PI4K2B: variants seen among roughly 807,000 people sequenced by gnomAD.
The protein encoded by PI4K2B is phosphatidylinositol 4-kinase type 2 beta.
A neutral mutation model predicts 56.6 loss-of-function variants in PI4K2B; 46 were observed. The observed-to-expected ratio is 0.81, with a 90% CI of 0.64 to 1.04. PI4K2B has a LOEUF of 1.04. Ranked by LOEUF, PI4K2B falls within the 50% of genes least tolerant of loss-of-function variation. PI4K2B has a pLI of 0.00. For missense variants in PI4K2B, 556 were observed against 607.7 expected, an observed-to-expected ratio of 0.91 and a Z score of 0.89; for synonymous variants, 211 against 223.8, an observed-to-expected ratio of 0.94 and a Z score of 0.51.
Position 25,249,399 on chromosome 4 carries a change from G to A in PI4K2B, c.269-2922G>A, listed in dbSNP as rs544929172. Among the ~76,000 whole-genome samples the A allele has an allele frequency of 4.1e-3, 221 of 53,742 alleles. 1 individual carries two copies. Among genetic ancestry groups the A allele is most frequent in the African/African-American group, 0.011 (205 of 18,340 alleles). 35.3% of individuals were successfully genotyped at this position (53,742 alleles called of 152,430 possible). A position where few individuals can be genotyped will look rare whatever the true frequency, so the allele number is the denominator to read the frequency against. ...CCAGACGGGGTGGCCGGGCAGAGGC[G>A]CCCCTCCACCCCCCGGACAGGGCGG... On this transcript the variant is annotated intron_variant, in intron 1 of 9. Coordinates refer to ENST00000264864, the MANE Select transcript of PI4K2B (RefSeq NM_018323.4).
chr4:25,264,819 C>G (rs952661410), intron 7 of PI4K2B, among the ~76,000 whole-genome samples: 10 of 151,964 alleles, frequency 6.6e-5, no homozygotes, highest in Non-Finnish European at 1.2e-4. Context: ...TGCAGTGAGC[C>G]AAGATGGCAC....
rs71188933 is a variant in PI4K2B, at chr4:25,265,198, CA to C, written c.1078+1372del. Among the ~76,000 whole-genome samples, 19 of 65,398 alleles carry C rather than the reference CA, an allele frequency of 2.9e-4. No individual in the cohort carries two copies. The Middle Eastern group carries it at 0.036, about 123-fold the overall frequency. 42.9% of individuals were successfully genotyped at this position (65,398 alleles called of 152,430 possible). A position where few individuals can be genotyped will look rare whatever the true frequency, so the allele number is the denominator to read the frequency against. ...CAACAAGAGTAAATCTCTGTCTCAC[CA>C]AAAAAAAAAAAAAAAAAAAAAATTT... On this transcript the variant is annotated intron_variant, in intron 7 of 9. Coordinates refer to ENST00000264864, the MANE Select transcript of PI4K2B (RefSeq NM_018323.4).
At chr4:25,247,488 T>C (rs1258443902) in intron 1 of PI4K2B, among the ~76,000 whole-genome samples, 1 of 152,190 alleles carries the variant, frequency 6.6e-6, no homozygotes, top group Non-Finnish European at 1.5e-5. Context: ...TCTTACAGCT[T>C]TATAGCCTAA....
chr4:25,274,395 A>G (rs767771212), intron 9 of PI4K2B, among the ~76,000 whole-genome samples: 41 of 152,212 alleles, frequency 2.7e-4, no homozygotes, highest in Non-Finnish European at 4.4e-4. Flanking sequence ...GCTCCATTCT[A>G]TTTTTTTAAA....
intron 7 of PI4K2B, 42 bp from the exon 8 acceptor site, chr4:25,268,401 C>T: frequency 6.5e-7 from 1 of 1,535,860 alleles, no homozygotes; most frequent in East Asian, 2.3e-5. Context: ...TCTAAATAAA[C>T]CATTTCCTAC....
intron 6 of PI4K2B, among the ~76,000 whole-genome samples, chr4:25,262,557 C>G (rs1716518242): frequency 6.6e-6 from 1 of 152,112 alleles, no homozygotes; most frequent in Non-Finnish European, 1.5e-5. Context: ...TAAAAATTTT[C>G]TGTTTTACTT....
intron 1 of PI4K2B, among the ~76,000 whole-genome samples, chr4:25,247,784 G>A (rs1284325467): frequency 6.6e-6 from 1 of 152,046 alleles, no homozygotes; most frequent in East Asian, 1.9e-4. Context: ...GCTCACTGCT[G>A]CCTTGAACTC....
At chr4:25,239,389 G>A (rs542654754) in intron 1 of PI4K2B, among the ~76,000 whole-genome samples, 16 of 152,312 alleles carry the variant, frequency 1.1e-4, no homozygotes, top group East Asian at 3.9e-4. Context: ...CCTGCCCTAC[G>A]GGGAGGCAGC....
intron 1 of PI4K2B, among the ~76,000 whole-genome samples, chr4:25,247,888 A>T (rs948327241): frequency 6.6e-6 from 1 of 152,054 alleles, no homozygotes; most frequent in Non-Finnish European, 1.5e-5. Context: ...TTTTTTGTGG[A>T]GATAGGGTCT....
chr4:25,247,730 G>A (rs1026111490), intron 1 of PI4K2B, among the ~76,000 whole-genome samples: 1 of 152,004 alleles, frequency 6.6e-6, no homozygotes, highest in African/African-American at 2.4e-5. Context: ...TTTGAGACAG[G>A]GTCTTATTCT....
At chr4:25,274,615 C>T (rs1717030524) in intron 9 of PI4K2B, among the ~76,000 whole-genome samples, 1 of 152,020 alleles carries the variant, frequency 6.6e-6, no homozygotes, top group Admixed American at 6.6e-5. Flanking sequence ...CTCATTTGGT[C>T]CCCTCTTCTC....
At position 25,277,339 on chromosome 4, in the gene PI4K2B, G is replaced by GT; in HGVS notation, c.*158dup. The GT allele has an allele frequency of 3.5e-6, 3 of 860,832 alleles. No homozygotes were observed. The highest frequency in any genetic ancestry group is 3.5e-5 in the South Asian group (1 of 28,402). The allele number at this position is 860,832 out of a possible 1,614,324, so 53.3% of individuals were successfully genotyped here. A position where few individuals can be genotyped will look rare whatever the true frequency, so the allele number is the denominator to read the frequency against. On this transcript the variant is annotated 3_prime_UTR_variant, in exon 10 of 10. Transcript: ENST00000264864. ...TTTTGAATGTAACCAAAAGTTTACAGTTTTTTGTCCAAATATTAAATTTCT... is the reference window on the plus strand; with the variant it reads ...TTTTGAATGTAACCAAAAGTTTACAGTTTTTTTGTCCAAATATTAAATTTCT...
chr4:25,249,593 T>C (rs313564), intron 1 of PI4K2B, among the ~76,000 whole-genome samples: 99,730 of 142,496 alleles, frequency 0.7, 35,774 homozygotes, highest in Non-Finnish European at 0.77. Context: ...GGGCGGCTGC[T>C]GGGCGGAGGG....
chr4:25,276,360 A>G (rs1717093020), intron 9 of PI4K2B: 1 of 327,094 alleles, frequency 3.1e-6, no homozygotes, highest in Non-Finnish European at 4.4e-6. Flanking sequence ...GTAAACTCTT[A>G]AATGTACCTT....
At chr4:25,275,991 T>C (rs1043339663) in intron 9 of PI4K2B, among the ~76,000 whole-genome samples, 2 of 152,198 alleles carry the variant, frequency 1.3e-5, no homozygotes, top group African/African-American at 4.8e-5. Flanking sequence ...GTTTATACTA[T>C]TTAAAGTATT....
chr4:25,240,708 G>A (rs1715480084), intron 1 of PI4K2B, among the ~76,000 whole-genome samples: 1 of 152,176 alleles, frequency 6.6e-6, no homozygotes, highest in Non-Finnish European at 1.5e-5. Flanking sequence ...AAGGAATAGG[G>A]TATGCTGTTT....
At chr4:25,251,395 G>C (rs1392667657) in intron 1 of PI4K2B, among the ~76,000 whole-genome samples, 2 of 152,168 alleles carry the variant, frequency 1.3e-5, no homozygotes, top group African/African-American at 4.8e-5. Flanking sequence ...CATGGAGTTG[G>C]TAGACAGTTG....
At position 25,268,543 on chromosome 4, in the gene PI4K2B, A is replaced by T; in HGVS notation, c.1179A>T (p.Gln393His). 1 of 1,592,094 alleles carries T rather than the reference A, an allele frequency of 6.3e-7. No homozygotes were observed. Among genetic ancestry groups the T allele is most frequent in the Non-Finnish European group, 8.6e-7 (1 of 1,165,934 alleles). The change falls in exon 8 of 10, where the codon CAA becomes CAT. Residue 393 changes from glutamine (Q) to histidine (H), a missense_variant. Transcript: ENST00000264864. ...ATATTTCTGACATGAACTTTGTGCAAGATTTATGTGAAGATCTCTATGAAC... is the reference window on the plus strand; with the variant it reads ...ATATTTCTGACATGAACTTTGTGCATGATTTATGTGAAGATCTCTATGAAC... Reference protein sequence around the residue: ...LPYISDMNFVQDLCEDLYELF... With the variant: ...LPYISDMNFVHDLCEDLYELF...
chr4:25,245,802 T>C (rs912196568), intron 1 of PI4K2B, among the ~76,000 whole-genome samples: 1 of 152,130 alleles, frequency 6.6e-6, no homozygotes, highest in Non-Finnish European at 1.5e-5. Context: ...GGTGATAGTC[T>C]CACCACTTGG....
Sources: gnomAD v4.1 joint callset for allele counts (sites outside exome capture counted in the v4.1 genomes callset) on GRCh38, gnomAD v4.1.1 for gene constraint, MANE v1.5 for transcripts, NCBI Gene and HGNC (gene_info 2026-07-23, HGNC 2026-07-21) for gene names.